The following TMTC1 variants were observed in gnomAD, a reference collection of about 807,000 sequenced individuals.
TMTC1 encodes protein O-mannosyl-transferase TMTC1.
In TMTC1, 73 loss-of-function variants were observed where a neutral mutation model predicts 104.8. The ratio of observed to expected loss-of-function variants is 0.70; its 90% CI spans 0.58 to 0.85. The LOEUF is 0.85. TMTC1 is among the 40% of genes least tolerant of loss of function. TMTC1 has a pLI of 0.00. For synonymous variants in TMTC1, 434 were observed against 428.7 expected (o/e 1.01, Z -0.15); for missense variants, 1,035 against 1,096.1 (o/e 0.94, Z 0.79).
chr12:29,518,336 G>A (rs1944049560), intron 13 of TMTC1, 136 bp downstream of exon 13: 1 of 950,012 alleles, frequency 1.1e-6, no homozygotes, highest in Non-Finnish European at 1.5e-6. Flanking sequence ...TTTCTTTGGA[G>A]ATAAAAATTT....
intron 6 of TMTC1, among the ~76,000 whole-genome samples, chr12:29,622,535 C>T (rs993223487): frequency 7.9e-5 from 12 of 152,096 alleles, no homozygotes; most frequent in African/African-American, 2.2e-4. Context: ...CATTTTCAGC[C>T]GTGGTTCTCC....
At chr12:29,743,897 C>G (rs1942887696) in intron 5 of TMTC1, among the ~76,000 whole-genome samples, 1 of 152,176 alleles carries the variant, frequency 6.6e-6, no homozygotes, top group African/African-American at 2.4e-5. Context: ...AGAGCACTAG[C>G]TGTGTTCTGC....
chr12:29,520,304 C>T (rs1944111867), intron 12 of TMTC1, among the ~76,000 whole-genome samples: 1 of 152,120 alleles, frequency 6.6e-6, no homozygotes, highest in African/African-American at 2.4e-5. Context: ...TGTAGAGAAA[C>T]ATTTCATCAT....
chr12:29,757,854 G>A (rs949427732), intron 3 of TMTC1, among the ~76,000 whole-genome samples: 1 of 152,074 alleles, frequency 6.6e-6, no homozygotes, highest in Non-Finnish European at 1.5e-5. Flanking sequence ...AAAACCATCA[G>A]ATCTCGTGAG....
chr12:29,740,398 A>G (rs1390792336), intron 5 of TMTC1, among the ~76,000 whole-genome samples: 1 of 152,106 alleles, frequency 6.6e-6, no homozygotes, highest in Non-Finnish European at 1.5e-5. Context: ...AGCAGGCAGA[A>G]AAGCATGAAA....
intron 9 of TMTC1, among the ~76,000 whole-genome samples, chr12:29,571,880 C>A (rs2243623): frequency 0.59 from 89,761 of 152,038 alleles, 27,551 homozygotes; most frequent in Non-Finnish European, 0.67. Flanking sequence ...AAAAGTTTCA[C>A]AAGAAAACAC....
At chr12:29,742,261 G>T (rs1211561191) in intron 5 of TMTC1, among the ~76,000 whole-genome samples, 1 of 152,014 alleles carries the variant, frequency 6.6e-6, no homozygotes, top group Non-Finnish European at 1.5e-5. Context: ...GGGTTTGATT[G>T]TATTATTTAT....
At chr12:29,733,521 C>T (rs1447979814) in intron 5 of TMTC1, among the ~76,000 whole-genome samples, 1 of 152,242 alleles carries the variant, frequency 6.6e-6, no homozygotes, top group Non-Finnish European at 1.5e-5. Flanking sequence ...AAAGAGCTGA[C>T]AGCCATTTTA....
chr12:29,741,349 C>CA (rs1942820418), intron 5 of TMTC1, among the ~76,000 whole-genome samples: 2 of 152,162 alleles, frequency 1.3e-5, no homozygotes, highest in Non-Finnish European at 2.9e-5. Context: ...CACACAGTTT[C>CA]TAACTACACA....
At position 29,644,109 on chromosome 12, in the gene TMTC1, A is replaced by ATGTG. The variant is rs1370093408; in HGVS notation, c.939-10774_939-10773insCACA. ...AATATAAATATAAATATATAAATAT[A>ATGTG]TATGTGTGTGTGTGTGTGTGTGTGT... On this transcript the variant is annotated intron_variant, in intron 5 of 17. Coordinates refer to ENST00000539277, the MANE Select transcript of TMTC1 (RefSeq NM_001193451.2). Among the ~76,000 whole-genome samples the ATGTG allele has an allele frequency of 1.8e-3, 81 of 46,012 alleles. 6 individuals carry two copies. In the Admixed American group the frequency reaches 0.025, roughly 14 times the overall value. 30.2% of individuals were successfully genotyped at this position (46,012 alleles called of 152,430 possible).
At chr12:29,733,533 T>C (rs1157934486) in intron 5 of TMTC1, among the ~76,000 whole-genome samples, 1 of 152,234 alleles carries the variant, frequency 6.6e-6, no homozygotes, top group South Asian at 2.1e-4. Flanking sequence ...GCCATTTTAG[T>C]GACATAGGGA....
intron 5 of TMTC1, chr12:29,640,590 G>A (rs1331101033): frequency 1.3e-5 from 2 of 152,212 alleles, no homozygotes; most frequent in Admixed American, 1.3e-4. Flanking sequence ...AGAGCCAAGT[G>A]AAATACTGGG....
chr12:29,675,536 T>C (rs1318121741), intron 5 of TMTC1, among the ~76,000 whole-genome samples: 1 of 151,880 alleles, frequency 6.6e-6, no homozygotes, highest in African/African-American at 2.4e-5. Context: ...GGAGTAGTTC[T>C]GCAAAAGTCA....
chr12:29,565,087 T>C (rs1945473927), intron 9 of TMTC1, among the ~76,000 whole-genome samples: 2 of 152,182 alleles, frequency 1.3e-5, no homozygotes, highest in Admixed American at 1.3e-4. Context: ...CTGGCTCTCA[T>C]GATTGTGGGG....
chr12:29,761,824 T>A (rs1694759598), intron 2 of TMTC1, among the ~76,000 whole-genome samples: 2 of 152,126 alleles, frequency 1.3e-5, no homozygotes, highest in Non-Finnish European at 2.9e-5. Context: ...TTCTGGGAAA[T>A]ATACCTATAA....
intron 8 of TMTC1, among the ~76,000 whole-genome samples, chr12:29,582,260 A>G (rs1056782829): frequency 4.6e-5 from 7 of 152,146 alleles, no homozygotes; most frequent in African/African-American, 1.7e-4. Context: ...GGCAGCCCAG[A>G]GATTATTCCC....
chr12:29,600,009 T>TATATA lies in TMTC1; in HGVS notation c.1250+4168_1250+4169insTATAT, dbSNP rs1555174500. Among the ~76,000 whole-genome samples, 326 of 71,738 alleles carry TATATA rather than the reference T, an allele frequency of 4.5e-3. 12 individuals carry two copies. The highest frequency in any genetic ancestry group is 0.01 in the African/African-American group (272 of 26,278). 47.1% of individuals were successfully genotyped at this position (71,738 alleles called of 152,430 possible). Reference sequence around the variant, plus strand: ...GTGTATATACATATATATATATATATTTTTTTTTTTTTTTCCCTCAAAAGA... The same window carrying TATATA: ...GTGTATATACATATATATATATATATATATATTTTTTTTTTTTTTCCCTCAAAAGA... On this transcript the variant is annotated intron_variant, in intron 7 of 17. Coordinates refer to ENST00000539277, the MANE Select transcript of TMTC1 (RefSeq NM_001193451.2).
chr12:29,657,521 A>T (rs1196302569), intron 5 of TMTC1, among the ~76,000 whole-genome samples: 1 of 152,262 alleles, frequency 6.6e-6, no homozygotes, highest in Admixed American at 6.5e-5. Flanking sequence ...GAGAAGAAGT[A>T]AGCCAACACC....
At chr12:29,623,493 C>T (rs1937786466) in intron 6 of TMTC1, among the ~76,000 whole-genome samples, 2 of 152,070 alleles carry the variant, frequency 1.3e-5, no homozygotes, top group Non-Finnish European at 2.9e-5. Flanking sequence ...TATATCTTGC[C>T]CAAAATGATG....
Sources: allele counts gnomAD v4.1 joint callset (sites outside exome capture counted in the v4.1 genomes callset), GRCh38; gene constraint gnomAD v4.1.1; transcripts MANE v1.5; gene names NCBI Gene and HGNC (gene_info 2026-07-23, HGNC 2026-07-21).